ATAD5: variants seen among roughly 807,000 people sequenced by gnomAD.
ATAD5 encodes the protein ATPase family AAA domain-containing protein 5.
ATAD5 carries 58 observed loss-of-function variants against 176.9 expected under a neutral mutation model. The ratio of observed to expected loss-of-function variants is 0.33; its 90% CI spans 0.27 to 0.41. The LOEUF (loss-of-function observed/expected upper bound fraction) is 0.41. Ranked by LOEUF, ATAD5 falls within the 10% of genes least tolerant of loss-of-function variation. The probability of loss-of-function intolerance (pLI) is 1.00; values close to 1 mark genes in which losing one functional copy is unlikely to be tolerated. For synonymous variants in ATAD5, 640 were observed against 712.6 expected (o/e 0.90, Z 1.62); for missense variants, 1,789 against 2,094.1 (o/e 0.85, Z 2.84).
Position 30,895,022 on chromosome 17 carries a change from AC to A in ATAD5, c.*110del, listed in dbSNP as rs1909835948. ...GTATATTTCTCGATGTACATTTTAA[AC>A]AAACAATTTGTATATTTTTTTATTG... On this transcript the variant is annotated 3_prime_UTR_variant, in exon 23 of 23. Coordinates refer to ENST00000321990, the MANE Select transcript of ATAD5 (RefSeq NM_024857.5). 3 of 668,104 alleles carry A rather than the reference AC, an allele frequency of 4.5e-6. No individual in the cohort carries two copies. In the Admixed American group the frequency reaches 1.1e-4, roughly 25 times the overall value. 41.4% of individuals were successfully genotyped at this position (668,104 alleles called of 1,614,324 possible).
intron 18 of ATAD5, among the ~76,000 whole-genome samples, 177 bp downstream of exon 18, chr17:30,879,664 G>C (rs965032490): frequency 6.6e-6 from 1 of 151,510 alleles, no homozygotes; most frequent in African/African-American, 2.4e-5. Flanking sequence ...CCGGGTTCAC[G>C]CCATTCTCCT....
chr17:30,894,112 C>T lies in ATAD5; in HGVS notation c.5259C>T (p.Arg1753=). 1 of 1,595,566 alleles carries T rather than the reference C, an allele frequency of 6.3e-7. No homozygotes were observed. Among genetic ancestry groups the T allele is most frequent in the Non-Finnish European group, 8.6e-7 (1 of 1,168,610 alleles). The change falls in exon 21 of 23, where the codon CGC becomes CGT. Residue 1753 remains arginine, a synonymous_variant. Coordinates refer to ENST00000321990, the MANE Select transcript of ATAD5 (RefSeq NM_024857.5). ...NDLTFYVSQK[R]NNVYFSQSAA... is the part of the protein sequence containing the mutation. ...TTACTTTTTATGTTTCACAAAAGCG[C>T]AATAATGTATACTTTAGTCAGTCAG... is the stretch of plus-strand genomic sequence containing the variant.
intron 6 of ATAD5, among the ~76,000 whole-genome samples, chr17:30,847,156 TA>T (rs2142334258): frequency 6.6e-6 from 1 of 152,344 alleles, no homozygotes; most frequent in Non-Finnish European, 1.5e-5. Context: ...TGCAATCTCT[TA>T]TCTGCTTTCT....
chr17:30,853,773 C>T (rs779436127), intron 6 of ATAD5, among the ~76,000 whole-genome samples: 1 of 152,150 alleles, frequency 6.6e-6, no homozygotes, highest in Non-Finnish European at 1.5e-5. Flanking sequence ...CCACTGTAGT[C>T]AGCCTCCCTA....
Position 30,835,974 on chromosome 17 carries a change from C to T in ATAD5, c.1893C>T (p.Ala631=), listed in dbSNP as rs1484504104. The change falls in exon 2 of 23, where the codon GCC becomes GCT. Residue 631 remains alanine (A), a synonymous_variant. Coordinates refer to ENST00000321990, the MANE Select transcript of ATAD5 (RefSeq NM_024857.5). ...SQLKASTQKA[A]NLSEKHSLYT... ...TAAAGGCTTCCACTCAAAAAGCAGC[C>T]AACTTATCGGAAAAGCACAGCTTAT... 1 of 1,613,930 alleles carries T rather than the reference C, an allele frequency of 6.2e-7. No homozygotes were observed.
At chr17:30,879,713 C>T (rs1285937316) in intron 18 of ATAD5, among the ~76,000 whole-genome samples, 1 of 151,992 alleles carries the variant, frequency 6.6e-6, no homozygotes, top group East Asian at 1.9e-4. Context: ...CAGGCGCCTG[C>T]CACCACGCCC....
chr17:30,834,488 TTAG>T lies in ATAD5; in HGVS notation c.411_413del (p.Ser138del). On this transcript the variant is annotated inframe_deletion, in exon 2 of 23. Coordinates refer to ENST00000321990, the MANE Select transcript of ATAD5 (RefSeq NM_024857.5). ...ACTGAAAATGAAGCTCCAATTGAAA[TTAG>T]TAGCGACGATAGCAAAGAAGACTAT... The T allele has an allele frequency of 6.3e-7, 1 of 1,585,674 alleles. No individual in the cohort carries two copies. The highest frequency in any genetic ancestry group is 8.5e-7 in the Non-Finnish European group (1 of 1,170,168).
At chr17:30,837,005 C>A (rs3764419) in intron 2 of ATAD5, among the ~76,000 whole-genome samples, 73,541 of 151,904 alleles carry the variant, frequency 0.48, 19,789 homozygotes, top group African/African-American at 0.75. Context: ...CTATCTATCT[C>A]TCTGGAAACA....
chr17:30,844,897 C>T lies in ATAD5; in HGVS notation c.2431C>T (p.Pro811Ser), dbSNP rs755092163. The T allele has an allele frequency of 1.3e-6, 2 of 1,582,760 alleles. No individual in the cohort carries two copies. The highest frequency in any genetic ancestry group is 1.7e-6 in the Non-Finnish European group (2 of 1,172,314). The change falls in exon 6 of 23, where the codon CCT becomes TCT. Residue 811 changes from proline to serine, a missense_variant. By Grantham distance (74) the Pro-to-Ser change is moderately conservative. Coordinates refer to ENST00000321990, the MANE Select transcript of ATAD5 (RefSeq NM_024857.5). ...AGCACAAAAAGCAGCTGATCCTGTC[C>T]CTAGTTTTGATGAAAGCAGGTCAGT... ...RKAQKAADPV[P>S]SFDESSQDTS...
chr17:30,864,695 A>G (rs1351539816), intron 10 of ATAD5: 2 of 152,158 alleles, frequency 1.3e-5, no homozygotes, highest in East Asian at 3.9e-4. Context: ...CTTTATGTCC[A>G]TGTGTACCCA....
intron 15 of ATAD5, among the ~76,000 whole-genome samples, chr17:30,877,025 T>A (rs1404450388): frequency 6.6e-6 from 1 of 150,854 alleles, no homozygotes; most frequent in Non-Finnish European, 1.5e-5. Flanking sequence ...CTTGTTTCAG[T>A]TTTTGTTTGT....
rs534271224 is a variant in ATAD5 at position 30,865,615 on chromosome 17, G to A, written c.3137-89G>A. The A allele has an allele frequency of 3.9e-4, 279 of 724,084 alleles. 6 individuals carry two copies. The South Asian group carries it at 7.0e-3, about 18-fold the overall frequency. 44.9% of individuals were successfully genotyped at this position (724,084 alleles called of 1,614,324 possible). On this transcript the variant is annotated intron_variant, in intron 10 of 22. Coordinates refer to ENST00000321990, the MANE Select transcript of ATAD5 (RefSeq NM_024857.5). ...AAATATTTCTGCAAATACCTACTGT[G>A]ACATTGTAACAATAATGTAAATGAC...
In ATAD5 at chr17:30,894,083, G is replaced by A. The variant is rs755240839; in HGVS notation, c.5230G>A (p.Asp1744Asn). ...GAAATTAGGAAGAGATCCAACCAAC[G>A]ATCTTACTTTTTATGTTTCACAAAA... ...CKKLGRDPTN[D>N]LTFYVSQKRN... Residue 1744 changes from aspartate (D) to asparagine (N), a missense_variant, in exon 21 of 23, where the codon GAT becomes AAT. Asp to Asn is a conservative substitution (Grantham distance 23). Transcript: ENST00000321990. 2 of 1,605,116 alleles carry A rather than the reference G, an allele frequency of 1.2e-6. No individual in the cohort carries two copies. Among genetic ancestry groups the A allele is most frequent in the Non-Finnish European group, 1.7e-6 (2 of 1,174,102 alleles).
At position 30,869,653 on chromosome 17, in the gene ATAD5, A is replaced by G; in HGVS notation, c.3607+7A>G. 5 of 1,580,810 alleles carry G rather than the reference A, an allele frequency of 3.2e-6. No individual in the cohort carries two copies. The highest frequency in any genetic ancestry group is 4.3e-6 in the Non-Finnish European group (5 of 1,170,724). On this transcript the variant is annotated splice_region_variant and intron_variant, in intron 14 of 22. Coordinates refer to ENST00000321990, the MANE Select transcript of ATAD5 (RefSeq NM_024857.5). ...TACATAGGCAAGTCACCAAGTAAGTAAACTATTTTCCTTAAGCCATAATGT... is the reference window on the plus strand; with the variant it reads ...TACATAGGCAAGTCACCAAGTAAGTGAACTATTTTCCTTAAGCCATAATGT...
At chr17:30,844,794 T>C in intron 5 of ATAD5, 41 bp from the exon 6 acceptor site, 1 of 1,117,846 alleles carries the variant, frequency 8.9e-7, no homozygotes, top group Non-Finnish European at 1.3e-6. Context: ...AAGGTGGAGA[T>C]GGTAAACATT....
At chr17:30,833,952 G>T (rs895256579) in intron 1 of ATAD5, among the ~76,000 whole-genome samples, 196 bp from the exon 2 acceptor site, 2 of 152,178 alleles carry the variant, frequency 1.3e-5, no homozygotes, top group African/African-American at 4.8e-5. Context: ...GAAGTACTGG[G>T]ATTACAGGCG....
chr17:30,843,842 T>A, intron 4 of ATAD5, 71 bp from the exon 5 acceptor site: 23 of 916,366 alleles, frequency 2.5e-5, no homozygotes, highest in Non-Finnish European at 3.2e-5. Flanking sequence ...TCTATCACTG[T>A]GATTCTTTTG....
At chr17:30,892,425 TAAAAAAAA>T (rs67654723) in intron 19 of ATAD5, among the ~76,000 whole-genome samples, 174 bp from the exon 20 acceptor site, 1 of 133,272 alleles carries the variant, frequency 7.5e-6, no homozygotes, top group East Asian at 2.2e-4. Context: ...ACTCTGTCTT[TAAAAAAAA>T]AAAAAAAAAA....
rs573652334 is a variant in ATAD5, at chr17:30,835,025, A to G, written c.944A>G (p.Gln315Arg). Residue 315 changes from glutamine (Q) to arginine (R), a missense_variant, in exon 2 of 23, where the codon CAG (glutamine) becomes CGG (arginine). By Grantham distance (43) the Gln-to-Arg change is conservative. Coordinates refer to ENST00000321990, the MANE Select transcript of ATAD5 (RefSeq NM_024857.5). ...ISESENSEIS[Q>R]QVRFKTVTVL... ...GAATCAGAAAACTCCGAAATTTCCC[A>G]GCAGGTACGCTTTAAGACAGTTACT... 408 of 1,613,998 alleles carry G rather than the reference A, an allele frequency of 2.5e-4. 9 individuals are homozygous for G. The South Asian group carries it at 4.3e-3, about 17-fold the overall frequency.
Sources: allele counts gnomAD v4.1 joint callset (sites outside exome capture counted in the v4.1 genomes callset), GRCh38; gene constraint gnomAD v4.1.1; transcripts MANE v1.5; gene names NCBI Gene and HGNC (gene_info 2026-07-23, HGNC 2026-07-21).